The following TASOR variants were observed in gnomAD, a reference collection of about 807,000 sequenced individuals.
TASOR encodes the protein transcription activation suppressor.
TASOR carries 53 observed loss-of-function variants against 178.6 expected under a neutral mutation model. That is an observed-to-expected ratio of 0.30 (90% CI 0.24 to 0.37). TASOR has a LOEUF of 0.37. TASOR is among the 10% of genes least tolerant of loss of function. The pLI is 1.00. For synonymous variants in TASOR, 713 were observed against 696.2 expected, an observed-to-expected ratio of 1.02 and a Z score of -0.38; for missense variants, 1,815 against 1,971.4, an observed-to-expected ratio of 0.92 and a Z score of 1.50.
Position 56,682,976 on chromosome 3 carries a change from G to A in TASOR, c.31C>T (p.Gln11Ter). 2 of 1,549,086 alleles carry A rather than the reference G, an allele frequency of 1.3e-6. No individual in the cohort carries two copies. The highest frequency in any genetic ancestry group is 8.7e-7 in the Non-Finnish European group (1 of 1,146,174). ...CTTTCCCAACTCGCATCCGTCGGCT[G>A]ACAGGCCTCCGTCTCCACAGCAGTC... MATAVETEACQPTDASWESGG... is the reference protein window; with the variant it reads MATAVETEAC The change falls in exon 1 of 24, where the codon CAG becomes TAG. Residue 11 changes from glutamine to a stop codon, truncating the protein, a stop_gained. Coordinates refer to ENST00000683822, the MANE Select transcript of TASOR (RefSeq NM_001365635.2). LOFTEE classifies it high-confidence loss of function.
At chr3:56,679,214 CT>C (rs1559858249) in intron 1 of TASOR, among the ~76,000 whole-genome samples, 1 of 152,186 alleles carries the variant, frequency 6.6e-6, no homozygotes, top group African/African-American at 2.4e-5. Context: ...ACAGTAAGAT[CT>C]TTTTTTAAAA....
intron 23 of TASOR, chr3:56,623,903 A>G: frequency 7.2e-7 from 1 of 1,382,276 alleles, no homozygotes; most frequent in East Asian, 2.5e-5. Context: ...ATTTTTTGAC[A>G]TCTAGCTTCA....
chr3:56,624,553 A>G lies in TASOR; in HGVS notation c.4409T>C (p.Val1470Ala), dbSNP rs2076757649. ...EDFMQNFKNL[V>A]GYHNSITEEN... Reference sequence around the variant, plus strand: ...TTCTGTGATTGAATTGTGATAGCCCACAAGATTTTTAAAGTTTTGCATGAA... The same window carrying G: ...TTCTGTGATTGAATTGTGATAGCCCGCAAGATTTTTAAAGTTTTGCATGAA... The change falls in exon 23 of 24, where the codon GTG becomes GCG. Residue 1470 changes from valine (V) to alanine (A), a missense_variant. Val to Ala is a moderately conservative substitution (Grantham distance 64). Coordinates refer to ENST00000683822, the MANE Select transcript of TASOR (RefSeq NM_001365635.2). 8 of 1,614,044 alleles carry G rather than the reference A, an allele frequency of 5.0e-6. No individual in the cohort carries two copies. The Admixed American group carries it at 8.3e-5, about 17-fold the overall frequency.
chr3:56,648,869 A>G lies in TASOR; in HGVS notation c.1466T>C (p.Val489Ala). Residue 489 changes from valine to alanine, a missense_variant, in exon 13 of 24, where the codon GTC (valine) becomes GCC (alanine). This residue lies in a region of TASOR where 504 missense variants were observed against 645.3 expected (regional missense o/e 0.78). Coordinates refer to ENST00000683822, the MANE Select transcript of TASOR (RefSeq NM_001365635.2). ...TTGAAATAGAAACAAAGCATGTAGG[A>G]CTCGAGACTTGGCAGTCTGATATTC... The part of the protein sequence containing the change: ...PYEYQTAKSR[V>A]LHALFLFQEP... The G allele has an allele frequency of 6.2e-7, 1 of 1,612,558 alleles. No homozygotes were observed. The highest frequency in any genetic ancestry group is 1.1e-5 in the South Asian group (1 of 90,456).
intron 1 of TASOR, among the ~76,000 whole-genome samples, chr3:56,674,290 CAGG>C (rs1306661069): frequency 6.7e-6 from 1 of 148,628 alleles, no homozygotes; most frequent in Non-Finnish European, 1.5e-5. Context: ...TGCTTGAGCT[CAGG>C]AGTTCCAGAG....
intron 13 of TASOR, among the ~76,000 whole-genome samples, chr3:56,648,498 T>C (rs2077281510): frequency 6.7e-6 from 1 of 150,246 alleles, no homozygotes; most frequent in African/African-American, 2.4e-5. Context: ...GGAGTGGTGG[T>C]AGATGCCTTG....
chr3:56,630,439 C>T (rs777541841), intron 18 of TASOR, among the ~76,000 whole-genome samples: 1 of 152,138 alleles, frequency 6.6e-6, no homozygotes, highest in South Asian at 2.1e-4. Flanking sequence ...CTATCAGATT[C>T]GTAAAACAAA....
chr3:56,661,707 A>T (rs2107612238), intron 9 of TASOR, among the ~76,000 whole-genome samples: 1 of 152,274 alleles, frequency 6.6e-6, no homozygotes, highest in Middle Eastern at 3.4e-3. Context: ...TAACTCACCA[A>T]ATCAAAGCTC....
At chr3:56,635,192 T>C (rs569822130) in intron 17 of TASOR, among the ~76,000 whole-genome samples, 1 of 152,338 alleles carries the variant, frequency 6.6e-6, no homozygotes, top group East Asian at 1.9e-4. Flanking sequence ...CTGGTGGTTA[T>C]CATGAACCAG....
At chr3:56,670,731 T>G (rs1411321329) in intron 3 of TASOR, among the ~76,000 whole-genome samples, 1 of 146,772 alleles carries the variant, frequency 6.8e-6, no homozygotes. Context: ...AGGTCAGGAG[T>G]TCAAGACCAG....
rs918726824 is a variant in TASOR, at chr3:56,622,570, A to T, written c.*467T>A. ...TCTAAATGAAACTGCACTGTTAGAT[A>T]AATCTTGAGGTATCGAGCCAAAATC... is the stretch of plus-strand genomic sequence containing the variant. On this transcript the variant is annotated 3_prime_UTR_variant, in exon 24 of 24. Transcript: ENST00000683822. The T allele has an allele frequency of 2.0e-5, 3 of 152,766 alleles. No homozygotes were observed. Among genetic ancestry groups the T allele is most frequent in the African/African-American group, 7.2e-5 (3 of 41,476 alleles). 9.5% of individuals were successfully genotyped at this position (152,766 alleles called of 1,614,324 possible).
chr3:56,655,587 T>C (rs1047677922), intron 11 of TASOR, among the ~76,000 whole-genome samples: 2 of 152,098 alleles, frequency 1.3e-5, no homozygotes, highest in African/African-American at 4.8e-5. Flanking sequence ...GGCAACACAG[T>C]AAGACCCTAT....
intron 11 of TASOR, among the ~76,000 whole-genome samples, chr3:56,656,117 G>A (rs2107599986): frequency 6.6e-6 from 1 of 152,086 alleles, no homozygotes; most frequent in East Asian, 1.9e-4. Flanking sequence ...ATAAAGATGA[G>A]AAGAAAAAAA....
chr3:56,682,234 C>T (rs969327550), intron 1 of TASOR, among the ~76,000 whole-genome samples: 2 of 152,186 alleles, frequency 1.3e-5, no homozygotes, highest in African/African-American at 2.4e-5. Flanking sequence ...AGAATTTCCA[C>T]GGGGAGAAGC....
chr3:56,654,812 C>A (rs1282561806), intron 11 of TASOR, among the ~76,000 whole-genome samples: 1 of 152,204 alleles, frequency 6.6e-6, no homozygotes, highest in Non-Finnish European at 1.5e-5. Flanking sequence ...GAGTCTTGAG[C>A]CTGCCAGCCT....
Position 56,668,258 on chromosome 3 carries a change from A to C in TASOR, c.897+139T>G, listed in dbSNP as rs575503301. The C allele has an allele frequency of 5.3e-5, 38 of 723,702 alleles. 2 individuals are homozygous for C. The South Asian group carries it at 5.3e-4, about 10-fold the overall frequency. 44.8% of individuals were successfully genotyped at this position (723,702 alleles called of 1,614,324 possible). ...CACTGAACAAACAGCAGCAACAGAC[A>C]CTGGAGTCTGGAAGTGATATGCAGA... On this transcript the variant is annotated intron_variant, in intron 6 of 23. Coordinates refer to ENST00000683822, the MANE Select transcript of TASOR (RefSeq NM_001365635.2).
intron 9 of TASOR, among the ~76,000 whole-genome samples, chr3:56,661,346 A>G (rs968554974): frequency 6.6e-6 from 1 of 152,048 alleles, no homozygotes; most frequent in Non-Finnish European, 1.5e-5. Context: ...TGTAGAGACA[A>G]GGTCTCCTTA....
chr3:56,682,159 T>C (rs990521253), intron 1 of TASOR, among the ~76,000 whole-genome samples: 23 of 152,216 alleles, frequency 1.5e-4, no homozygotes, highest in African/African-American at 1.9e-4. Context: ...CATCTACTAA[T>C]AGAGATTTCT....
In TASOR at chr3:56,683,205, C is replaced by T. The variant is rs1406810264; in HGVS notation, c.-199G>A. 3 of 526,646 alleles carry T rather than the reference C, an allele frequency of 5.7e-6. No individual in the cohort carries two copies. The highest frequency in any genetic ancestry group is 9.9e-6 in the Non-Finnish European group (3 of 304,338). 32.6% of individuals were successfully genotyped at this position (526,646 alleles called of 1,614,324 possible). A position where few individuals can be genotyped will look rare whatever the true frequency, so the allele number is the denominator to read the frequency against. ...GGCACCCCAAATGCGCTGCCCGGTC[C>T]TCGGAGCCGCTCCTCCCTCGGGCAG... On this transcript the variant is annotated 5_prime_UTR_variant, in exon 1 of 24. Coordinates refer to ENST00000683822, the MANE Select transcript of TASOR (RefSeq NM_001365635.2).
Sources: gnomAD v4.1 joint callset for allele counts (sites outside exome capture counted in the v4.1 genomes callset) on GRCh38, gnomAD v4.1.1 for gene constraint, gnomAD v4.1.1 regional missense constraint, MANE v1.5 for transcripts, NCBI Gene and HGNC (gene_info 2026-07-23, HGNC 2026-07-21) for gene names.